The following STAG1 variants were observed in gnomAD, a reference collection of about 807,000 sequenced individuals.
STAG1 encodes cohesin subunit SA-1.
Under a neutral mutation model 170.9 loss-of-function variants are expected in STAG1, and 26 were observed. That is an observed-to-expected ratio of 0.15 (90% CI 0.11 to 0.21). STAG1 has a LOEUF of 0.21. Among genes scored for constraint, STAG1 ranks in the 10% least tolerant of loss-of-function variants. The pLI is 1.00. For synonymous variants in STAG1, 514 were observed against 497.7 expected (o/e 1.03, Z -0.44); for missense variants, 964 against 1,509.5 (o/e 0.64, Z 5.99).
intron 5 of STAG1, among the ~76,000 whole-genome samples, chr3:136,546,964 CACA>C (rs1183882568): frequency 3.3e-5 from 5 of 152,166 alleles, no homozygotes; most frequent in Admixed American, 1.3e-4. Context: ...TGAAGTCTCT[CACA>C]ACTTTTGTCT....
intron 1 of STAG1, among the ~76,000 whole-genome samples, chr3:136,634,172 A>T (rs1250163450): frequency 2.0e-5 from 3 of 151,606 alleles, no homozygotes; most frequent in Admixed American, 6.6e-5. Context: ...CATAAAAAAA[A>T]TTTTAAAAAG....
intron 1 of STAG1, among the ~76,000 whole-genome samples, chr3:136,657,197 T>C (rs970335162): frequency 2.1e-4 from 30 of 139,682 alleles, no homozygotes; most frequent in African/African-American, 6.0e-4. Flanking sequence ...TTCTTTTTTT[T>C]TTTTTTTTTT....
intron 3 of STAG1, among the ~76,000 whole-genome samples, chr3:136,619,893 C>T (rs1242852964): frequency 6.6e-6 from 1 of 151,432 alleles, no homozygotes; most frequent in Admixed American, 6.6e-5. Flanking sequence ...TAGTGAGACC[C>T]GGTCTTCACA....
At chr3:136,429,244 T>G (rs147535084) in intron 16 of STAG1, among the ~76,000 whole-genome samples, 96 of 152,100 alleles carry the variant, frequency 6.3e-4, no homozygotes, top group African/African-American at 2.3e-3. Context: ...CTGTGTCTAC[T>G]AAAAATACAA....
intron 7 of STAG1, among the ~76,000 whole-genome samples, chr3:136,503,022 T>C (rs575311235): frequency 6.6e-6 from 1 of 152,294 alleles, no homozygotes; most frequent in African/African-American, 2.4e-5. Context: ...TCATCCTAAC[T>C]AACAGAAGAA....
chr3:136,680,894 C>T (rs1031607079), intron 1 of STAG1, among the ~76,000 whole-genome samples: 3 of 150,960 alleles, frequency 2.0e-5, no homozygotes, highest in African/African-American at 7.3e-5. Context: ...CACCCCCACC[C>T]CACCCTTGTG....
intron 12 of STAG1, among the ~76,000 whole-genome samples, chr3:136,465,225 T>TC (rs1047859632): frequency 1.3e-5 from 2 of 150,080 alleles, no homozygotes; most frequent in African/African-American, 2.4e-5. Flanking sequence ...TCTACAGCTT[T>TC]TTTTTTTTTT....
intron 9 of STAG1, 98 bp from the exon 10 acceptor site, chr3:136,477,510 T>G: frequency 8.8e-7 from 1 of 1,133,476 alleles, no homozygotes; most frequent in Non-Finnish European, 1.2e-6. Context: ...TAATGCTGTT[T>G]GTATATATTT....
At chr3:136,714,408 C>T (rs562727949) in intron 1 of STAG1, among the ~76,000 whole-genome samples, 2 of 152,068 alleles carry the variant, frequency 1.3e-5, no homozygotes, top group East Asian at 1.9e-4. Context: ...ATCCTGGCAA[C>T]GTACCGAGAA....
intron 12 of STAG1, among the ~76,000 whole-genome samples, chr3:136,469,678 A>T (rs1329573164): frequency 3.9e-5 from 6 of 152,312 alleles, no homozygotes; most frequent in Non-Finnish European, 7.4e-5. Flanking sequence ...CATTGCCAAG[A>T]CAATCCTAAG....
chr3:136,421,999 C>G (rs772589839), intron 19 of STAG1, among the ~76,000 whole-genome samples: 1 of 151,580 alleles, frequency 6.6e-6, no homozygotes. Flanking sequence ...AATAAAAAAA[C>G]AGCCAAGCGT....
At chr3:136,619,883 T>C (rs575793739) in intron 3 of STAG1, among the ~76,000 whole-genome samples, 8 of 148,080 alleles carry the variant, frequency 5.4e-5, no homozygotes, top group Admixed American at 1.4e-4. Flanking sequence ...CTGGACAACA[T>C]AGTGAGACCC....
intron 1 of STAG1, among the ~76,000 whole-genome samples, chr3:136,703,587 G>A (rs1172289510): frequency 5.9e-5 from 9 of 152,174 alleles, no homozygotes. Flanking sequence ...GGATCTGACA[G>A]GTCACTAGCT....
At chr3:136,364,691 A>C (rs1337646338) in intron 25 of STAG1, among the ~76,000 whole-genome samples, 1 of 152,226 alleles carries the variant, frequency 6.6e-6, no homozygotes, top group African/African-American at 2.4e-5. Context: ...CAGTTTCTTG[A>C]CACAAGATTT....
At chr3:136,531,162 C>G (rs1335481580) in intron 6 of STAG1, among the ~76,000 whole-genome samples, 3 of 151,622 alleles carry the variant, frequency 2.0e-5, no homozygotes, top group African/African-American at 7.3e-5. Flanking sequence ...TGAAAAAATG[C>G]TCATCATCAC....
intron 21 of STAG1, among the ~76,000 whole-genome samples, chr3:136,411,473 AAG>A (rs1304318031): frequency 6.6e-6 from 1 of 152,222 alleles, no homozygotes; most frequent in Non-Finnish European, 1.5e-5. Flanking sequence ...AAGTGGGTAT[AAG>A]AGATATTACA....
intron 29 of STAG1, among the ~76,000 whole-genome samples, chr3:136,347,771 CTGTGCTCAGT>C (rs1936288619): frequency 6.6e-6 from 1 of 152,188 alleles, no homozygotes; most frequent in Admixed American, 6.5e-5. Flanking sequence ...GTGCCAAGCA[CTGTGCTCAGT>C]ACTGTGTGTA....
intron 9 of STAG1, among the ~76,000 whole-genome samples, chr3:136,494,011 C>T (rs1420772538): frequency 6.6e-6 from 1 of 152,178 alleles, no homozygotes; most frequent in Non-Finnish European, 1.5e-5. Context: ...TGGCTCACAC[C>T]TATAATCCTA....
chr3:136,540,413 T>C (rs1260692481), intron 6 of STAG1, among the ~76,000 whole-genome samples: 1 of 152,190 alleles, frequency 6.6e-6, no homozygotes, highest in African/African-American at 2.4e-5. Flanking sequence ...TATTTAGGTA[T>C]ATGAAATGCC....
Sources: gnomAD v4.1 joint callset for allele counts (sites outside exome capture counted in the v4.1 genomes callset) on GRCh38, gnomAD v4.1.1 for gene constraint, MANE v1.5 for transcripts, NCBI Gene and HGNC (gene_info 2026-07-23, HGNC 2026-07-21) for gene names.